Variants in INSL6 observed in about 807,000 individuals in gnomAD.
INSL6 encodes the protein insulin like 6, also known as insulin-like peptide INSL6.
INSL6 carries 16 observed loss-of-function variants against 9.4 expected under a neutral mutation model. That is an observed-to-expected ratio of 1.70 (90% CI 1.15 to 2.59). The LOEUF (loss-of-function observed/expected upper bound fraction) is 2.59, where lower values mean the gene tolerates loss of function less well. Ranked by LOEUF, INSL6 falls within the 30% of genes most tolerant of loss-of-function variation. The pLI is 0.00. For missense variants in INSL6, 391 were observed against 257.3 expected (o/e 1.52, Z -3.56); for synonymous variants, 154 against 96.9 (o/e 1.59, Z -3.46).
At chr9:5,099,440 A>G in the INSL6 span, 1 of 152,204 alleles carries the variant, frequency 6.6e-6, no homozygotes, top group Non-Finnish European at 1.5e-5. Context: ...ATCCATTATT[A>G]TCCTGTCAAT....
chr9:5,028,642 G>A, the INSL6 span, among the ~76,000 whole-genome samples: 1 of 152,154 alleles, frequency 6.6e-6, no homozygotes, highest in Non-Finnish European at 1.5e-5. Context: ...TTGTTTATCA[G>A]TGATCTTTGT....
intron 2 of INSL6, among the ~76,000 whole-genome samples, chr9:5,134,590 G>C (rs921479448): frequency 6.6e-6 from 1 of 152,108 alleles, no homozygotes; most frequent in Non-Finnish European, 1.5e-5. Context: ...TCTAAACTAA[G>C]CTTCGTAATT....
At chr9:5,152,586 G>A (rs752167747) in intron 2 of INSL6, among the ~76,000 whole-genome samples, 15 of 152,068 alleles carry the variant, frequency 9.9e-5, no homozygotes, top group East Asian at 3.9e-4. Context: ...AAAAAGAAGC[G>A]TCTAAAACCA....
chr9:5,069,048 CTGTT>C, the INSL6 span: 1 of 1,598,884 alleles, frequency 6.3e-7, no homozygotes, highest in Middle Eastern at 1.7e-4. Flanking sequence ...AATATAAACA[CTGTT>C]TGATTACAAA....
At chr9:5,014,863 C>G in the INSL6 span, among the ~76,000 whole-genome samples, 2 of 151,826 alleles carry the variant, frequency 1.3e-5, no homozygotes, top group Non-Finnish European at 2.9e-5. Flanking sequence ...ATTCTCCTGT[C>G]TATCTTGCAG....
chr9:5,152,946 G>T (rs975357934), intron 2 of INSL6, among the ~76,000 whole-genome samples: 2 of 152,120 alleles, frequency 1.3e-5, no homozygotes, highest in Non-Finnish European at 2.9e-5. Flanking sequence ...AGCACAAGGG[G>T]TCAGGGAACT....
At chr9:5,072,846 G>T in the INSL6 span, among the ~76,000 whole-genome samples, 1 of 152,096 alleles carries the variant, frequency 6.6e-6, no homozygotes, top group East Asian at 1.9e-4. Flanking sequence ...TTAGCATTAT[G>T]TTAGGAGTGT....
the INSL6 span, among the ~76,000 whole-genome samples, chr9:5,006,267 GAGTTC>G: frequency 6.6e-6 from 1 of 152,180 alleles, no homozygotes; most frequent in Non-Finnish European, 1.5e-5. Context: ...TTGTGAACGG[GAGTTC>G]ACTCATGATT....
At chr9:5,085,595 C>G in the INSL6 span, 1 of 696,066 alleles carries the variant, frequency 1.4e-6, no homozygotes, top group East Asian at 2.6e-5. Flanking sequence ...CCTATAGATA[C>G]TACAGAAAGA....
the INSL6 span, chr9:5,069,050 G>T: frequency 6.2e-6 from 10 of 1,600,014 alleles, no homozygotes; most frequent in Middle Eastern, 3.3e-4. Flanking sequence ...TATAAACACT[G>T]TTTGATTACA....
Position 5,185,325 on chromosome 9 carries a change from C to T in INSL6, c.278G>A (p.Gly93Asp). 2.5e-6 allele frequency: 4 copies of T among 1,614,076 alleles called. No homozygotes were observed. The highest frequency in any genetic ancestry group is 3.4e-6 in the Non-Finnish European group (4 of 1,179,984). ...PQTASPARGR[G>D]TNPVSTSWEE... ...GTTTCGATTTTTACCTGGGTTTGTG[C>T]CTCTTCCCCGGGCCGGGGAAGCGGT... is the stretch of plus-strand genomic sequence containing the variant. The change falls in exon 1 of 2, where the codon GGC (glycine) becomes GAC (aspartate). Residue 93 changes from glycine to aspartate, a missense_variant. Coordinates refer to ENST00000381641, the MANE Select transcript of INSL6 (RefSeq NM_007179.3).
the INSL6 span, among the ~76,000 whole-genome samples, chr9:5,058,604 CTTGTAATT>C: frequency 1.3e-5 from 2 of 152,162 alleles, no homozygotes; most frequent in African/African-American, 4.8e-5. Flanking sequence ...GGTAATTCTA[CTTGTAATT>C]TTTTAGGGAG....
chr9:4,994,958 G>A, the INSL6 span, among the ~76,000 whole-genome samples: 9 of 152,050 alleles, frequency 5.9e-5, no homozygotes, highest in African/African-American at 2.2e-4. Flanking sequence ...GTGTGTGTGT[G>A]ACTATAACTA....
chr9:5,128,953 T>A (rs1053437298), intron 3 of INSL6, among the ~76,000 whole-genome samples: 1 of 152,022 alleles, frequency 6.6e-6, no homozygotes, highest in Non-Finnish European at 1.5e-5. Context: ...AATCTTTATA[T>A]AAATGACTTT....
the INSL6 span, chr9:5,112,620 T>A: frequency 1.0e-6 from 1 of 952,678 alleles, no homozygotes; most frequent in Admixed American, 2.5e-5. Context: ...ATGTGGCAAC[T>A]GCACCTCAAC....
chr9:5,025,256 A>G, the INSL6 span, among the ~76,000 whole-genome samples: 4 of 151,948 alleles, frequency 2.6e-5, no homozygotes, highest in South Asian at 2.1e-4. Flanking sequence ...AGATTTTTCT[A>G]TCTATATTGG....
the INSL6 span, among the ~76,000 whole-genome samples, chr9:4,993,667 G>A: frequency 6.6e-6 from 1 of 152,130 alleles, no homozygotes; most frequent in Non-Finnish European, 1.5e-5. Context: ...GTCTCCTTGA[G>A]GGCTCTTAGG....
chr9:5,059,645 A>G, the INSL6 span, among the ~76,000 whole-genome samples: 4 of 152,120 alleles, frequency 2.6e-5, no homozygotes, highest in Non-Finnish European at 4.4e-5. Flanking sequence ...TTGTAGTTCT[A>G]TCAGTTCACT....
chr9:5,082,363 C>T, the INSL6 span, among the ~76,000 whole-genome samples: 1 of 152,188 alleles, frequency 6.6e-6, no homozygotes, highest in Non-Finnish European at 1.5e-5. Flanking sequence ...GCACATAGGC[C>T]AGATTTATGC....
Sources: allele counts gnomAD v4.1 joint callset (sites outside exome capture counted in the v4.1 genomes callset), GRCh38; gene constraint gnomAD v4.1.1; transcripts MANE v1.5; gene names NCBI Gene and HGNC (gene_info 2026-07-23, HGNC 2026-07-21).